RPS6KA5: variants seen among roughly 807,000 people sequenced by gnomAD.
RPS6KA5 encodes the protein ribosomal protein S6 kinase A5.
In RPS6KA5, 27 loss-of-function variants were observed where a neutral mutation model predicts 85.5. The ratio of observed to expected loss-of-function variants is 0.32; its 90% confidence interval spans 0.23 to 0.44. The LOEUF (loss-of-function observed/expected upper bound fraction) is 0.44, where lower values mean the gene tolerates loss of function less well. Among genes scored for constraint, RPS6KA5 ranks in the 20% least tolerant of loss-of-function variants. RPS6KA5 has a pLI of 1.00. For missense variants in RPS6KA5, 811 were observed against 980.9 expected (o/e 0.83, Z 2.31); for synonymous variants, 334 against 348.2 (o/e 0.96, Z 0.46).
intron 2 of RPS6KA5, among the ~76,000 whole-genome samples, chr14:90,994,948 T>C (rs929991093): frequency 1.3e-5 from 2 of 152,196 alleles, no homozygotes; most frequent in African/African-American, 2.4e-5. Context: ...AAGTAAATCC[T>C]CCAGAGAAGA....
chr14:90,916,879 G>A (rs1181826411), intron 7 of RPS6KA5, among the ~76,000 whole-genome samples: 1 of 152,136 alleles, frequency 6.6e-6, no homozygotes, highest in East Asian at 1.9e-4. Flanking sequence ...GATATAAAGG[G>A]AATAAAAGCA....
chr14:90,978,081 G>A (rs2039643150), intron 3 of RPS6KA5, among the ~76,000 whole-genome samples: 1 of 152,074 alleles, frequency 6.6e-6, no homozygotes, highest in African/African-American at 2.4e-5. Flanking sequence ...AAAAGACTAA[G>A]AAAAGAGTGT....
At position 90,939,026 on chromosome 14, in the gene RPS6KA5, C is replaced by T. The variant is rs149327513; in HGVS notation, c.618+4052G>A. 3.7e-3 allele frequency among the ~76,000 whole-genome samples: 569 copies of T among 152,316 alleles called. 1 individual carries two copies. The highest frequency in any genetic ancestry group is 6.6e-3 in the Non-Finnish European group (450 of 68,020). ...TGCAAATTTTCCGAACTTTTATGCT[C>T]TGTTTCTCTTTTAAAACTGAATACC... On this transcript the variant is annotated intron_variant, in intron 5 of 16. Transcript: ENST00000614987.
chr14:90,870,672 A>G lies in RPS6KA5; in HGVS notation c.*1402T>C, dbSNP rs1041556303. Reference sequence around the variant, plus strand: ...CAAAAGGTTATCATTAACAAAAACTATAAAATAAACATGTTGGGCATTATC... The same window carrying G: ...CAAAAGGTTATCATTAACAAAAACTGTAAAATAAACATGTTGGGCATTATC... On this transcript the variant is annotated 3_prime_UTR_variant, in exon 17 of 17. Transcript: ENST00000614987. 5.9e-5 allele frequency: 9 copies of G among 152,428 alleles called. No homozygotes were observed. The highest frequency in any genetic ancestry group is 1.4e-4 in the African/African-American group (6 of 41,440). The allele number at this position is 152,428 out of a possible 1,614,324, so 9.4% of individuals were successfully genotyped here. A position where few individuals can be genotyped will look rare whatever the true frequency, so the allele number is the denominator to read the frequency against.
In RPS6KA5 at chr14:90,855,343, G is replaced by A. The variant is rs1360382949; in HGVS notation, c.*16731C>T. ...ACTGCACAAATGAGCCTGCTTCTGA[G>A]ACAAAGTTAACATAGGTAAGATGAG... On this transcript the variant is annotated 3_prime_UTR_variant, in exon 17 of 17. Coordinates refer to ENST00000614987, the MANE Select transcript of RPS6KA5 (RefSeq NM_004755.4). 2 of 152,168 alleles carry A rather than the reference G, an allele frequency of 1.3e-5. No homozygotes were observed. Among genetic ancestry groups the A allele is most frequent in the African/African-American group, 4.8e-5 (2 of 41,444 alleles). 9.4% of individuals were successfully genotyped at this position (152,168 alleles called of 1,614,324 possible). A position where few individuals can be genotyped will look rare whatever the true frequency, so the allele number is the denominator to read the frequency against.
At chr14:91,055,667 T>C (rs1278259998) in intron 1 of RPS6KA5, among the ~76,000 whole-genome samples, 1 of 152,090 alleles carries the variant, frequency 6.6e-6, no homozygotes, top group Non-Finnish European at 1.5e-5. Flanking sequence ...GTCCCAGAGT[T>C]ACTCAGGAGG....
intron 12 of RPS6KA5, among the ~76,000 whole-genome samples, chr14:90,898,152 G>C (rs2034944862): frequency 1.3e-5 from 2 of 152,140 alleles, no homozygotes; most frequent in African/African-American, 2.4e-5. Context: ...CTCTGAAGTT[G>C]GACTGTGTGG....
intron 12 of RPS6KA5, among the ~76,000 whole-genome samples, chr14:90,897,002 C>A (rs1169419842): frequency 6.6e-6 from 1 of 152,176 alleles, no homozygotes; most frequent in Non-Finnish European, 1.5e-5. Flanking sequence ...GAATTACAGG[C>A]ATGAGCCAGG....
chr14:90,994,575 T>A (rs2040437334), intron 2 of RPS6KA5, among the ~76,000 whole-genome samples: 1 of 130,840 alleles, frequency 7.6e-6, no homozygotes, highest in Non-Finnish European at 1.6e-5. Flanking sequence ...TTTTTTTTTT[T>A]TTTTTTTTTT....
chr14:90,971,288 G>A (rs983580332), intron 3 of RPS6KA5, among the ~76,000 whole-genome samples: 1 of 152,242 alleles, frequency 6.6e-6, no homozygotes, highest in Admixed American at 6.5e-5. Context: ...CTGCACTCCA[G>A]CCTAGGCGAC....
At chr14:90,980,625 T>C (rs1376245991) in intron 2 of RPS6KA5, among the ~76,000 whole-genome samples, 1 of 152,212 alleles carries the variant, frequency 6.6e-6, no homozygotes, top group Non-Finnish European at 1.5e-5. Context: ...AACTGAAGTA[T>C]AGAAGAGTTG....
At chr14:90,904,098 C>T (rs750147700) in intron 8 of RPS6KA5, among the ~76,000 whole-genome samples, 3 of 152,088 alleles carry the variant, frequency 2.0e-5, no homozygotes, top group Admixed American at 6.5e-5. Context: ...TACAGGCGAC[C>T]GCCACCATGC....
chr14:90,941,272 G>C (rs1296916636), intron 5 of RPS6KA5, among the ~76,000 whole-genome samples: 1 of 152,154 alleles, frequency 6.6e-6, no homozygotes, highest in Non-Finnish European at 1.5e-5. Flanking sequence ...CACCGGGTGG[G>C]ATTGCCAAGC....
intron 15 of RPS6KA5, among the ~76,000 whole-genome samples, chr14:90,874,671 A>C (rs1693410044): frequency 6.6e-6 from 1 of 152,174 alleles, no homozygotes; most frequent in South Asian, 2.1e-4. Context: ...AAGTCAGAGG[A>C]AGTGAGGCAA....
chr14:90,898,761 T>C (rs1007985604), intron 12 of RPS6KA5, among the ~76,000 whole-genome samples: 1 of 152,178 alleles, frequency 6.6e-6, no homozygotes, highest in Admixed American at 6.5e-5. Flanking sequence ...CATCCTCCCA[T>C]AGTTCCTGCT....
chr14:90,997,221 T>C (rs1271534261), intron 2 of RPS6KA5, among the ~76,000 whole-genome samples: 1 of 152,186 alleles, frequency 6.6e-6, no homozygotes, highest in Non-Finnish European at 1.5e-5. Flanking sequence ...TCATTCTCAC[T>C]TCAAAGATTA....
chr14:90,861,521 C>CAAA lies in RPS6KA5; in HGVS notation c.*10550_*10552dup, dbSNP rs34479269. 1.7e-5 allele frequency: 2 copies of CAAA among 121,142 alleles called. No homozygotes were observed. Among genetic ancestry groups the CAAA allele is most frequent in the South Asian group, 2.5e-4 (1 of 3,960 alleles). The allele number at this position is 121,142 out of a possible 1,614,324, so 7.5% of individuals were successfully genotyped here. A position where few individuals can be genotyped will look rare whatever the true frequency, so the allele number is the denominator to read the frequency against. On this transcript the variant is annotated 3_prime_UTR_variant, in exon 17 of 17. Coordinates refer to ENST00000614987, the MANE Select transcript of RPS6KA5 (RefSeq NM_004755.4). ...TGGGCGACAGAGCGAGACTCTGTCT[C>CAAA]AAAAAAAAAAAAATAATGTCTTATG... is the stretch of plus-strand genomic sequence containing the variant.
intron 7 of RPS6KA5, among the ~76,000 whole-genome samples, chr14:90,910,869 T>G (rs997288772): frequency 6.6e-6 from 1 of 151,972 alleles, no homozygotes; most frequent in African/African-American, 2.4e-5. Flanking sequence ...GTATTTTTAG[T>G]AGAGACAGGG....
At chr14:90,977,405 G>A (rs1246759746) in intron 3 of RPS6KA5, among the ~76,000 whole-genome samples, 1 of 152,210 alleles carries the variant, frequency 6.6e-6, no homozygotes, top group Non-Finnish European at 1.5e-5. Context: ...GGGAATGTGT[G>A]TGAGGACTTT....
Sources: gnomAD v4.1 joint callset for allele counts (sites outside exome capture counted in the v4.1 genomes callset) on GRCh38, gnomAD v4.1.1 for gene constraint, MANE v1.5 for transcripts, NCBI Gene and HGNC (gene_info 2026-07-23, HGNC 2026-07-21) for gene names.